Variants in PLXNC1 observed in about 807,000 individuals in gnomAD.
PLXNC1 encodes plexin-C1.
In PLXNC1, 75 loss-of-function variants were observed where a neutral mutation model predicts 178.2. That is an observed-to-expected ratio of 0.42 (90% CI 0.35 to 0.51). The LOEUF (loss-of-function observed/expected upper bound fraction) is 0.51. PLXNC1 is among the 20% of genes least tolerant of loss of function. The probability of loss-of-function intolerance (pLI) is 0.02; values close to 1 mark genes in which losing one functional copy is unlikely to be tolerated. For missense variants in PLXNC1, 1,503 were observed against 1,984.4 expected, an observed-to-expected ratio of 0.76 and a Z score of 4.61; for synonymous variants, 790 against 779.9, an observed-to-expected ratio of 1.01 and a Z score of -0.22.
At chr12:94,200,400 A>G (rs562358889) in intron 4 of PLXNC1, among the ~76,000 whole-genome samples, 1 of 152,184 alleles carries the variant, frequency 6.6e-6, no homozygotes, top group Non-Finnish European at 1.5e-5. Context: ...CACAATGTTC[A>G]GGTCTTCATT....
At position 94,208,056 on chromosome 12, in the gene PLXNC1, A is replaced by G. The variant is rs183301372; in HGVS notation, c.1440-1534A>G. On this transcript the variant is annotated intron_variant, in intron 4 of 30. Transcript: ENST00000258526. Reference sequence around the variant, plus strand: ...ACCAGCTTCGTCATTCTGTTTTTCAATCCAGCAGTGCTTGTCTCTCCGTTG... The same window carrying G: ...ACCAGCTTCGTCATTCTGTTTTTCAGTCCAGCAGTGCTTGTCTCTCCGTTG... 3.9e-5 allele frequency among the ~76,000 whole-genome samples: 6 copies of G among 152,304 alleles called. No individual in the cohort carries two copies. The East Asian group carries it at 9.6e-4, about 24-fold the overall frequency.
chr12:94,292,244 C>A (rs1967412096), intron 23 of PLXNC1, among the ~76,000 whole-genome samples: 1 of 152,102 alleles, frequency 6.6e-6, no homozygotes, highest in Non-Finnish European at 1.5e-5. Flanking sequence ...AGGCAAAATT[C>A]ATAAATGGTG....
At chr12:94,269,004 A>G (rs1308800632) in intron 21 of PLXNC1, among the ~76,000 whole-genome samples, 1 of 152,174 alleles carries the variant, frequency 6.6e-6, no homozygotes, top group East Asian at 1.9e-4. Flanking sequence ...CGTTTTGTCA[A>G]GAGTGGAACT....
intron 9 of PLXNC1, among the ~76,000 whole-genome samples, chr12:94,232,590 G>A (rs1175563756): frequency 6.6e-6 from 1 of 152,274 alleles, no homozygotes; most frequent in African/African-American, 2.4e-5. Context: ...TGTTTGCTGA[G>A]CAACTACTAT....
rs1964935759 is a variant in PLXNC1 at position 94,259,388 on chromosome 12, GTTTTCAT to G, written c.3126+18_3126+24del. ...TGAAGATATGCATGTAAGTCTCTAC[GTTTTCAT>G]TTTTAGCCCAGTGACTGCCTGATGT... On this transcript the variant is annotated intron_variant, in intron 18 of 30. Coordinates refer to ENST00000258526, the MANE Select transcript of PLXNC1 (RefSeq NM_005761.3). 2 of 1,583,480 alleles carry G rather than the reference GTTTTCAT, an allele frequency of 1.3e-6. No individual in the cohort carries two copies. Among genetic ancestry groups the G allele is most frequent in the Middle Eastern group, 1.7e-4 (1 of 6,028 alleles).
At chr12:94,170,881 C>T (rs1961816500) in intron 2 of PLXNC1, among the ~76,000 whole-genome samples, 1 of 152,232 alleles carries the variant, frequency 6.6e-6, no homozygotes. Flanking sequence ...CATCATTCTA[C>T]ACAAGTCACT....
At chr12:94,171,507 A>G (rs1264164859) in intron 2 of PLXNC1, among the ~76,000 whole-genome samples, 2 of 152,108 alleles carry the variant, frequency 1.3e-5, no homozygotes, top group Non-Finnish European at 2.9e-5. Context: ...GCCCAGAGAA[A>G]TGGGATGATT....
chr12:94,248,040 G>T lies in PLXNC1; in HGVS notation c.2526G>T (p.Glu842Asp), dbSNP rs376448944. 1.4e-5 allele frequency: 23 copies of T among 1,613,980 alleles called. No homozygotes were observed. Among genetic ancestry groups the T allele is most frequent in the Non-Finnish European group, 1.9e-5 (23 of 1,179,984 alleles). Reference protein sequence around the residue: ...YLDCGTLQYREDPRFTGYRVE... With the variant: ...YLDCGTLQYRDDPRFTGYRVE... ...ATTGTGGAACCCTGCAGTATCGGGA[G>T]GACCCCAGATTCACGGGGTATCGGG... The change falls in exon 13 of 31, where the codon GAG becomes GAT. Residue 842 changes from glutamate (E) to aspartate (D), a missense_variant. Transcript: ENST00000258526.
intron 3 of PLXNC1, among the ~76,000 whole-genome samples, chr12:94,183,733 C>T (rs1962409652): frequency 1.3e-5 from 2 of 152,180 alleles, no homozygotes; most frequent in Admixed American, 1.3e-4. Flanking sequence ...TATGAAAAGC[C>T]ACCAGTAGTT....
At chr12:94,216,208 C>T (rs1468415725) in intron 5 of PLXNC1, among the ~76,000 whole-genome samples, 1 of 150,674 alleles carries the variant, frequency 6.6e-6, no homozygotes, top group Non-Finnish European at 1.5e-5. Context: ...GTGAAGGTTG[C>T]AGTGAACCAA....
chr12:94,155,050 CCCTT>C (rs1173321961), intron 1 of PLXNC1, among the ~76,000 whole-genome samples: 2 of 152,178 alleles, frequency 1.3e-5, no homozygotes, highest in African/African-American at 4.8e-5. Context: ...GTGTCAGGGC[CCCTT>C]CCTTCCTTAG....
At position 94,209,619 on chromosome 12, in the gene PLXNC1, C is replaced by T. The variant is rs756390000; in HGVS notation, c.1469C>T (p.Ser490Leu). The T allele has an allele frequency of 6.9e-6, 11 of 1,594,956 alleles. No homozygotes were observed. In the Admixed American group the frequency reaches 1.7e-4, roughly 24 times the overall value. Residue 490 changes from serine to leucine, a missense_variant, in exon 5 of 31, where the codon TCA (serine) becomes TTA (leucine). This residue lies in a region of PLXNC1 where 615 missense variants were observed against 698.6 expected (regional missense o/e 0.88). Transcript: ENST00000258526. ...ACTTTTCAAGGAGATTGTGTACATT[C>T]AGAGAACTTAGAAAACTGGCTGGAT... Reference protein sequence around the residue: ...RCTFQGDCVHSENLENWLDIS... With the variant: ...RCTFQGDCVHLENLENWLDIS...
chr12:94,173,936 A>ACCC (rs1961949922), intron 2 of PLXNC1, among the ~76,000 whole-genome samples: 1 of 151,998 alleles, frequency 6.6e-6, no homozygotes. Flanking sequence ...CCCCAGCTTT[A>ACCC]CCCCAGTGGG....
At position 94,209,572 on chromosome 12, in the gene PLXNC1, G is replaced by C. The variant is rs776192693; in HGVS notation, c.1440-18G>C. 2.9e-6 allele frequency: 4 copies of C among 1,394,806 alleles called. No homozygotes were observed. The highest frequency in any genetic ancestry group is 1.7e-5 in the Admixed American group (1 of 58,436). 86.4% of individuals were successfully genotyped at this position (1,394,806 alleles called of 1,614,324 possible). A position where few individuals can be genotyped will look rare whatever the true frequency, so the allele number is the denominator to read the frequency against. ...AACACACGTATGGGGTCGCTGTTTT[G>C]TTGCCTCGTTTTTTTAGGTGCACTT... is the stretch of plus-strand genomic sequence containing the variant. On this transcript the variant is annotated intron_variant, in intron 4 of 30. Coordinates refer to ENST00000258526, the MANE Select transcript of PLXNC1 (RefSeq NM_005761.3).
chr12:94,206,955 G>C (rs922226184), intron 4 of PLXNC1, among the ~76,000 whole-genome samples: 3 of 152,208 alleles, frequency 2.0e-5, no homozygotes, highest in African/African-American at 7.2e-5. Flanking sequence ...AGGAATTAGA[G>C]TGATAGCTTT....
At chr12:94,234,139 A>AT (rs10715853) in intron 9 of PLXNC1, among the ~76,000 whole-genome samples, 3,000 of 151,662 alleles carry the variant, frequency 0.02, 43 homozygotes, top group African/African-American at 0.031. Context: ...CTATATTCAG[A>AT]TTTTTTTTTA....
chr12:94,203,508 A>G (rs1229886574), intron 4 of PLXNC1, among the ~76,000 whole-genome samples: 2 of 152,190 alleles, frequency 1.3e-5, no homozygotes, highest in Non-Finnish European at 2.9e-5. Context: ...ATTTTCCTAT[A>G]TGTTCATGTC....
intron 5 of PLXNC1, among the ~76,000 whole-genome samples, chr12:94,219,811 A>ATTTATTTATTTGTTTG (rs199804478): frequency 2.0e-4 from 17 of 85,298 alleles, no homozygotes; most frequent in Admixed American, 3.1e-4. Context: ...ATTTTTATTT[A>ATTTATTTATTTGTTTG]TTTATTTATT....
In PLXNC1 at chr12:94,209,648, T is replaced by G. The variant is rs145512644; in HGVS notation, c.1498T>G (p.Ser500Ala). 9 of 1,613,702 alleles carry G rather than the reference T, an allele frequency of 5.6e-6. No individual in the cohort carries two copies. Among genetic ancestry groups the G allele is most frequent in the Middle Eastern group, 1.6e-4 (1 of 6,084 alleles). Reference protein sequence around the residue: ...SENLENWLDISSGAKKCPKIQ... With the variant: ...SENLENWLDIASGAKKCPKIQ... ...GAACTTAGAAAACTGGCTGGATATT[T>G]CGTCTGGAGCAAAAAAGTGCCCTAA... The change falls in exon 5 of 31, where the codon TCG becomes GCG. Residue 500 changes from serine (S) to alanine (A), a missense_variant. Physicochemically the swap from Ser to Ala is moderately conservative, Grantham distance 99 (BLOSUM62 1). Transcript: ENST00000258526.
Sources: gnomAD v4.1 joint callset for allele counts (sites outside exome capture counted in the v4.1 genomes callset) on GRCh38, gnomAD v4.1.1 for gene constraint, gnomAD v4.1.1 regional missense constraint, MANE v1.5 for transcripts, NCBI Gene and HGNC (gene_info 2026-07-23, HGNC 2026-07-21) for gene names.